Variants in ZFHX3 observed in about 807,000 individuals in gnomAD.
The protein encoded by ZFHX3 is zinc finger homeobox 3, also known as zinc finger homeobox protein 3.
A neutral mutation model predicts 279.1 loss-of-function variants in ZFHX3; 42 were observed. That is an observed-to-expected ratio of 0.15 (90% CI 0.12 to 0.19). The LOEUF is 0.19. Among genes scored for constraint, ZFHX3 ranks in the 10% least tolerant of loss-of-function variants. ZFHX3 has a pLI of 1.00. For synonymous variants in ZFHX3, 2,293 were observed against 1,957.8 expected, an observed-to-expected ratio of 1.17 and a Z score of -4.52; for missense variants, 4,981 against 4,754.0, an observed-to-expected ratio of 1.05 and a Z score of -1.40.
chr16:73,504,653 T>G (rs759874685), intron 2 of ZFHX3: 1 of 152,300 alleles, frequency 6.6e-6, no homozygotes, highest in African/African-American at 2.4e-5. Flanking sequence ...CAAGGCGCTC[T>G]CAGCCAATCG....
At chr16:73,465,476 T>C (rs766980388) in intron 2 of ZFHX3, among the ~76,000 whole-genome samples, 13 of 152,104 alleles carry the variant, frequency 8.5e-5, no homozygotes, top group Non-Finnish European at 1.3e-4. Flanking sequence ...CTGGTGCCTC[T>C]GAGGTCTCAC....
At chr16:72,883,317 T>C (rs1031018403) in intron 4 of ZFHX3, among the ~76,000 whole-genome samples, 3 of 152,086 alleles carry the variant, frequency 2.0e-5, no homozygotes, top group East Asian at 1.9e-4. Context: ...ACTACGAATA[T>C]TGGCAAATAA....
chr16:73,108,780 G>GGTA (rs1966335902), intron 7 of ZFHX3, among the ~76,000 whole-genome samples: 3 of 152,186 alleles, frequency 2.0e-5, no homozygotes, highest in Admixed American at 2.0e-4. Flanking sequence ...ATTACCTGTT[G>GGTA]ATTAGGTCCT....
At chr16:72,824,014 T>A (rs1262262632) in intron 5 of ZFHX3, among the ~76,000 whole-genome samples, 1 of 152,206 alleles carries the variant, frequency 6.6e-6, no homozygotes, top group Admixed American at 6.5e-5. Flanking sequence ...TTTCAGGCAC[T>A]AAGTTCCCCA....
At chr16:72,850,404 C>T (rs565021363) in intron 4 of ZFHX3, among the ~76,000 whole-genome samples, 1 of 152,254 alleles carries the variant, frequency 6.6e-6, no homozygotes, top group Admixed American at 6.5e-5. Flanking sequence ...AATCTGTGCA[C>T]ACAAGTGCTA....
At chr16:73,780,447 C>A (rs1484844333) in intron 1 of ZFHX3, among the ~76,000 whole-genome samples, 4 of 142,270 alleles carry the variant, frequency 2.8e-5, no homozygotes, top group African/African-American at 5.1e-5. Context: ...CGTGCCTGAA[C>A]TTTTTTTTTT....
chr16:73,121,530 C>T (rs1966498916), intron 7 of ZFHX3, among the ~76,000 whole-genome samples: 1 of 152,130 alleles, frequency 6.6e-6, no homozygotes, highest in Non-Finnish European at 1.5e-5. Flanking sequence ...CCCAATCACT[C>T]AGGCTAGGCA....
intron 1 of ZFHX3, among the ~76,000 whole-genome samples, chr16:73,772,704 GCTC>G (rs2054032199): frequency 1.3e-5 from 2 of 152,180 alleles, no homozygotes; most frequent in South Asian, 2.1e-4. Context: ...TCGGCCTGCA[GCTC>G]CTGTCTCTCA....
intron 1 of ZFHX3, among the ~76,000 whole-genome samples, chr16:73,796,197 T>C (rs1267352256): frequency 1.3e-5 from 2 of 152,170 alleles, no homozygotes; most frequent in African/African-American, 4.8e-5. Context: ...TTATTTAAAA[T>C]AGCACAAAGT....
chr16:73,660,836 C>G (rs1053716366), intron 2 of ZFHX3, among the ~76,000 whole-genome samples: 1 of 152,124 alleles, frequency 6.6e-6, no homozygotes, highest in Non-Finnish European at 1.5e-5. Context: ...CTAAACTAAA[C>G]CTAATTTTGT....
chr16:73,413,900 G>C lies in ZFHX3; in HGVS notation c.-1291+42103C>G, dbSNP rs544459006. Among the ~76,000 whole-genome samples, 103 of 152,244 alleles carry C rather than the reference G, an allele frequency of 6.8e-4. 1 individual carries two copies. The highest frequency in any genetic ancestry group is 1.0e-3 in the Non-Finnish European group (68 of 68,026). Reference sequence around the variant, plus strand: ...CAATGTTTCTCAAATTGTGATCATTGGATTATTAGAATGAAGGATACTTTA... The same window carrying C: ...CAATGTTTCTCAAATTGTGATCATTCGATTATTAGAATGAAGGATACTTTA... On this transcript the variant is annotated intron_variant, in intron 3 of 17. Coordinates refer to the ZFHX3 transcript ENST00000641206.
intron 4 of ZFHX3, among the ~76,000 whole-genome samples, chr16:72,838,321 G>A (rs1351162599): frequency 7.0e-6 from 1 of 142,422 alleles, no homozygotes; most frequent in Non-Finnish European, 1.5e-5. Flanking sequence ...TGTGTGGCAA[G>A]AGGCAGCCTG....
chr16:73,151,358 T>C (rs1966936577), intron 5 of ZFHX3, among the ~76,000 whole-genome samples: 1 of 151,802 alleles, frequency 6.6e-6, no homozygotes, highest in Non-Finnish European at 1.5e-5. Context: ...GGAAGGTGTG[T>C]GGGGGTTGGA....
intron 2 of ZFHX3, among the ~76,000 whole-genome samples, chr16:73,528,786 G>A (rs2019740217): frequency 1.3e-5 from 2 of 152,186 alleles, no homozygotes; most frequent in Admixed American, 6.5e-5. Context: ...ATGGAGTTAT[G>A]GTCTGTAGCC....
intron 5 of ZFHX3, among the ~76,000 whole-genome samples, chr16:73,173,020 T>G (rs1212273937): frequency 2.8e-5 from 3 of 106,368 alleles, no homozygotes; most frequent in African/African-American, 1.2e-4. Flanking sequence ...TTTTTTTTTT[T>G]TTTTTTGGGA....
chr16:73,544,202 A>G (rs36109578), intron 2 of ZFHX3, among the ~76,000 whole-genome samples: 15,667 of 152,088 alleles, frequency 0.1, 956 homozygotes, highest in African/African-American at 0.16. Context: ...AGGAAAAAAA[A>G]AGGTGGGGTG....
chr16:72,903,122 G>T (rs1448278316), intron 3 of ZFHX3, among the ~76,000 whole-genome samples: 2 of 152,144 alleles, frequency 1.3e-5, no homozygotes, highest in Non-Finnish European at 2.9e-5. Context: ...TTCCTCAGAG[G>T]CCGCTGTGCA....
intron 1 of ZFHX3, among the ~76,000 whole-genome samples, chr16:73,875,226 C>T (rs1407014515): frequency 1.3e-5 from 2 of 151,992 alleles, no homozygotes; most frequent in Non-Finnish European, 2.9e-5. Context: ...GAATAATCAG[C>T]CATTTTTGGC....
chr16:73,033,862 T>G (rs876727), intron 1 of ZFHX3, among the ~76,000 whole-genome samples: 31,166 of 152,088 alleles, frequency 0.2, 3,401 homozygotes, highest in East Asian at 0.32. Flanking sequence ...TCACATGTAT[T>G]GACCAAGGAA....
Sources: allele counts gnomAD v4.1 joint callset (sites outside exome capture counted in the v4.1 genomes callset), GRCh38; gene constraint gnomAD v4.1.1; transcripts MANE v1.5; gene names NCBI Gene and HGNC (gene_info 2026-07-23, HGNC 2026-07-21).